The following GABRA3 variants were observed in gnomAD, a reference collection of about 807,000 sequenced individuals.
GABRA3 encodes gamma-aminobutyric acid receptor subunit alpha-3.
GABRA3 carries 10 observed loss-of-function variants against 30.1 expected under a neutral mutation model. The observed-to-expected ratio is 0.33, with a 90% confidence interval of 0.20 to 0.56. GABRA3 has a LOEUF of 0.56. Ranked by LOEUF, GABRA3 falls within the 20% of genes least tolerant of loss-of-function variation. GABRA3 has a pLI of 0.89. For missense variants in GABRA3, 233 were observed against 392.0 expected (o/e 0.59, Z 3.42); for synonymous variants, 151 against 146.8 (o/e 1.03, Z -0.21).
rs1928600907 is a variant in GABRA3, at chrX:152,364,511, A to C, written c.60T>G (p.Ile20Met). 4.1e-6 allele frequency: 5 copies of C among 1,208,306 alleles called. No individual in the cohort carries two copies. The highest frequency in any genetic ancestry group is 5.6e-6 in the Non-Finnish European group (5 of 892,910). The change falls in exon 2 of 10, where the codon ATT (isoleucine) becomes ATG (methionine). Residue 20 changes from isoleucine (I) to methionine (M), a missense_variant. By Grantham distance (10) the Ile-to-Met change is conservative. Around this residue, in one of 6 missense-constraint regions of GABRA3, gnomAD observed 69 missense variants for 79.4 expected, o/e 0.87. Transcript: ENST00000370314. ...GACCAGTGGTTCCAGGGAGAATATT[A>C]ATCAGGAAAAGAATCCCAAGGCTGG... Reference protein sequence around the residue: ...YMTSLGILFLINILPGTTGQG... With the variant: ...YMTSLGILFLMNILPGTTGQG...
chrX:152,344,122 T>C (rs1439906997), intron 3 of GABRA3, among the ~76,000 whole-genome samples: 1 of 111,524 alleles, frequency 9.0e-6, no homozygotes, highest in Non-Finnish European at 1.9e-5. Flanking sequence ...CCACTTATTC[T>C]TGGAAAAATG....
intron 3 of GABRA3, among the ~76,000 whole-genome samples, chrX:152,302,151 C>G (rs1939642713): frequency 9.2e-6 from 1 of 108,300 alleles, no homozygotes; most frequent in South Asian, 3.9e-4. Flanking sequence ...GGATGTGGGA[C>G]AAATAGAAAA....
chrX:152,427,453 C>A (rs1281718351), intron 1 of GABRA3, among the ~76,000 whole-genome samples: 1 of 112,046 alleles, frequency 8.9e-6, no homozygotes, highest in Non-Finnish European at 1.9e-5. Context: ...CTCCCTATCA[C>A]TACTGAAATG....
At chrX:152,416,152 C>A (rs1237470866) in intron 1 of GABRA3, among the ~76,000 whole-genome samples, 1 of 99,439 alleles carries the variant, frequency 1.0e-5, no homozygotes, top group Non-Finnish European at 2.0e-5. Context: ...TCTCCTTAAG[C>A]TGATAAGCAA....
chrX:152,241,569 C>T (rs1938372566), intron 5 of GABRA3, among the ~76,000 whole-genome samples: 2 of 109,287 alleles, frequency 1.8e-5, no homozygotes, highest in Admixed American at 1.9e-4. Context: ...TTTACCTAAG[C>T]AAGCCTGGGC....
At chrX:152,315,967 C>CTGG (rs1939868635) in intron 3 of GABRA3, among the ~76,000 whole-genome samples, 1 of 50,599 alleles carries the variant, frequency 2.0e-5, no homozygotes, top group Non-Finnish European at 3.7e-5. Context: ...AGGCCCGCCC[C>CTGG]CCGACCCCCC....
intron 1 of GABRA3, among the ~76,000 whole-genome samples, chrX:152,422,776 A>G (rs1413767827): frequency 9.0e-6 from 1 of 110,967 alleles, no homozygotes; most frequent in Non-Finnish European, 1.9e-5. Flanking sequence ...AACGGTAGGA[A>G]TGAACTTAAG....
At chrX:152,227,127 C>T (rs1477790113) in intron 5 of GABRA3, among the ~76,000 whole-genome samples, 9 of 109,659 alleles carry the variant, frequency 8.2e-5, no homozygotes, top group African/African-American at 2.7e-4. Context: ...GACTTGGAAC[C>T]AACCCAAATG....
intron 1 of GABRA3, among the ~76,000 whole-genome samples, chrX:152,404,785 T>C (rs986826308): frequency 1.9e-5 from 2 of 103,674 alleles, no homozygotes; most frequent in Non-Finnish European, 3.9e-5. Flanking sequence ...TTATTATTGG[T>C]TCTCAGTGTC....
intron 1 of GABRA3, among the ~76,000 whole-genome samples, chrX:152,381,165 C>T (rs1336557954): frequency 8.9e-6 from 1 of 112,054 alleles, no homozygotes; most frequent in Non-Finnish European, 1.9e-5. Context: ...TGACACCATG[C>T]TTCTTGCACG....
chrX:152,328,727 A>G (rs1451406035), intron 3 of GABRA3, among the ~76,000 whole-genome samples: 1 of 111,482 alleles, frequency 9.0e-6, no homozygotes, highest in Non-Finnish European at 1.9e-5. Flanking sequence ...TTTATGACAA[A>G]CCCACAGCCA....
intron 1 of GABRA3, among the ~76,000 whole-genome samples, chrX:152,427,273 A>G (rs1930536760): frequency 8.9e-6 from 1 of 111,807 alleles, no homozygotes; most frequent in Admixed American, 9.5e-5. Flanking sequence ...TGACCTTGGA[A>G]TAAGGCCCAA....
chrX:152,424,500 T>C (rs1025198364), intron 1 of GABRA3, among the ~76,000 whole-genome samples: 3 of 111,698 alleles, frequency 2.7e-5, no homozygotes, highest in Admixed American at 9.6e-5. Flanking sequence ...TAGCCAAGTT[T>C]AGCATTTCAT....
chrX:152,354,676 C>A (rs1372192512), intron 2 of GABRA3, among the ~76,000 whole-genome samples: 1 of 111,420 alleles, frequency 9.0e-6, no homozygotes, highest in African/African-American at 3.3e-5. Context: ...AGGTGGACTT[C>A]AGCTCAATAT....
At chrX:152,295,889 AT>A (rs760040465) in intron 3 of GABRA3, among the ~76,000 whole-genome samples, 2 of 111,297 alleles carry the variant, frequency 1.8e-5, no homozygotes, top group Non-Finnish European at 3.8e-5. Context: ...TACCCTATTA[AT>A]TTTTTTCCTC....
chrX:152,338,395 C>T (rs6653478), intron 3 of GABRA3, among the ~76,000 whole-genome samples: 24,940 of 110,901 alleles, frequency 0.22, 2,665 homozygotes, highest in African/African-American at 0.43. Context: ...TTTTTTGCTA[C>T]TGAGTTTTTT....
At chrX:152,248,099 T>C (rs1424467051) in intron 5 of GABRA3, among the ~76,000 whole-genome samples, 1 of 111,004 alleles carries the variant, frequency 9.0e-6, no homozygotes, top group Non-Finnish European at 1.9e-5. Context: ...CACTCTCACT[T>C]CTCACTGCCT....
chrX:152,238,507 TA>T, intron 5 of GABRA3, among the ~76,000 whole-genome samples: 1 of 107,709 alleles, frequency 9.3e-6, no homozygotes, highest in Admixed American at 9.9e-5. Context: ...GCTGGCCTCA[TA>T]AAATGAGTTA....
At chrX:152,245,762 C>T (rs1210419072) in intron 5 of GABRA3, among the ~76,000 whole-genome samples, 1 of 111,689 alleles carries the variant, frequency 9.0e-6, no homozygotes, top group East Asian at 2.8e-4. Context: ...CCATGATGTT[C>T]GTCTGTGCCC....
Sources: gnomAD v4.1 joint callset for allele counts (sites outside exome capture counted in the v4.1 genomes callset) on GRCh38, gnomAD v4.1.1 for gene constraint, gnomAD v4.1.1 regional missense constraint, MANE v1.5 for transcripts, NCBI Gene and HGNC (gene_info 2026-07-23, HGNC 2026-07-21) for gene names.